Variants in IDUA observed in about 807,000 individuals in gnomAD.
The protein encoded by IDUA is iduronidase alpha-L-.
A neutral mutation model predicts 68.9 loss-of-function variants in IDUA; 65 were observed. The observed-to-expected ratio is 0.94, with a 90% CI of 0.77 to 1.16. IDUA has a LOEUF of 1.16. Ranked by LOEUF, IDUA falls within the 50% of genes most tolerant of loss-of-function variation. The pLI is 0.00. For missense variants in IDUA, 1,046 were observed against 938.0 expected, an observed-to-expected ratio of 1.12 and a Z score of -1.50; for synonymous variants, 529 against 433.6, an observed-to-expected ratio of 1.22 and a Z score of -2.73.
intron 2 of IDUA, chr4:991,935 C>G (rs911807735): frequency 2.1e-6 from 2 of 944,134 alleles, no homozygotes; most frequent in Non-Finnish European, 3.3e-6. Flanking sequence ...CAGAATCCAT[C>G]GTGAGGTGAG....
At position 1,002,806 on chromosome 4, in the gene IDUA, G is replaced by C. The variant is rs1392555572; in HGVS notation, c.1264G>C (p.Ala422Pro). The C allele has an allele frequency of 6.8e-7, 1 of 1,461,464 alleles. No homozygotes were observed. Among genetic ancestry groups the C allele is most frequent in the Admixed American group, 2.5e-5 (1 of 40,190 alleles). 90.5% of individuals were successfully genotyped at this position (1,461,464 alleles called of 1,614,324 possible). A position where few individuals can be genotyped will look rare whatever the true frequency, so the allele number is the denominator to read the frequency against. The change falls in exon 9 of 14, where the codon GCC (alanine) becomes CCC (proline). Residue 422 changes from alanine to proline, a missense_variant. Coordinates refer to ENST00000514224, the MANE Select transcript of IDUA (RefSeq NM_000203.5). ...LDSNHTVGVL[A>P]SAHRPQGPAD... is the part of the protein sequence containing the mutation. ...CAGCAACCACACGGTGGGCGTCCTG[G>C]CCAGCGCCCACCGCCCCCAGGGCCC...
intron 2 of IDUA, among the ~76,000 whole-genome samples, chr4:999,241 A>G (rs113591075): frequency 5.9e-5 from 9 of 151,304 alleles, no homozygotes; most frequent in Admixed American, 2.0e-4. Context: ...ATGCCCTGGC[A>G]CTGCTCAGCT....
At chr4:994,288 T>C (rs1237287298) in intron 2 of IDUA, among the ~76,000 whole-genome samples, 3 of 151,902 alleles carry the variant, frequency 2.0e-5, no homozygotes, top group Admixed American at 6.6e-5. Flanking sequence ...TTCTTTTTTT[T>C]TTTTTGAGGC....
chr4:988,895 C>G lies in IDUA; in HGVS notation c.299+946C>G. On this transcript the variant is annotated intron_variant, in intron 2 of 13. Transcript: ENST00000514224. ...CGGGCTCGTGCTGTCTGCACGGCATCGTGCACACTGAGGAACAGCTGCTCC... is the reference window on the plus strand; with the variant it reads ...CGGGCTCGTGCTGTCTGCACGGCATGGTGCACACTGAGGAACAGCTGCTCC... 1.2e-6 allele frequency: 2 copies of G among 1,604,168 alleles called. No individual in the cohort carries two copies. Among genetic ancestry groups the G allele is most frequent in the Non-Finnish European group, 1.7e-6 (2 of 1,176,278 alleles).
In IDUA at chr4:987,374, C is replaced by T. The variant is rs1043679558; in HGVS notation, c.158+132C>T. Reference sequence around the variant, plus strand: ...GGCCCTGGCTCTCCCGGGCCCGCCCCCCGCCGTGTTTGTGGGTGGGTCCTC... The same window carrying T: ...GGCCCTGGCTCTCCCGGGCCCGCCCTCCGCCGTGTTTGTGGGTGGGTCCTC... On this transcript the variant is annotated intron_variant, in intron 1 of 13. Transcript: ENST00000514224. 1.8e-5 allele frequency: 17 copies of T among 963,192 alleles called. No homozygotes were observed. In the African/African-American group the frequency reaches 2.8e-4, roughly 16 times the overall value. 59.7% of individuals were successfully genotyped at this position (963,192 alleles called of 1,614,324 possible).
intron 8 of IDUA, 108 bp downstream of exon 8, chr4:1,002,593 C>T (rs1715163323): frequency 2.5e-6 from 3 of 1,215,168 alleles, no homozygotes; most frequent in Non-Finnish European, 3.2e-6. Flanking sequence ...GCGCGCTTCC[C>T]GGGGTCGGCC....
chr4:998,782 G>GC (rs1553916665), intron 2 of IDUA, among the ~76,000 whole-genome samples: 13 of 77,190 alleles, frequency 1.7e-4, no homozygotes, highest in Admixed American at 2.6e-4. Flanking sequence ...ACGACCCCCC[G>GC]ACCCCCCACC....
chr4:1,003,952 C>T, intron 12 of IDUA, 60 bp from the exon 13 acceptor site: 3 of 1,397,758 alleles, frequency 2.1e-6, no homozygotes, highest in Non-Finnish European at 3.0e-6. Flanking sequence ...CGTGCCCTGC[C>T]TGCTCCCACC....
chr4:988,600 T>C, intron 2 of IDUA: 8 of 1,368,110 alleles, frequency 5.8e-6, no homozygotes, highest in Non-Finnish European at 7.5e-6. Flanking sequence ...GCCAGCACTG[T>C]GGGCCAGCCT....
chr4:995,760 T>C (rs11729777), intron 2 of IDUA, among the ~76,000 whole-genome samples: 14,949 of 152,206 alleles, frequency 0.098, 948 homozygotes, highest in South Asian at 0.22. Context: ...GGTACCTCCT[T>C]GTGGAAGCCG....
At chr4:994,345 G>C (rs1248007722) in intron 2 of IDUA, among the ~76,000 whole-genome samples, 5 of 151,224 alleles carry the variant, frequency 3.3e-5, no homozygotes, top group East Asian at 1.9e-4. Flanking sequence ...GTGTGATCTC[G>C]GCTCACTGGA....
chr4:999,111 A>G (rs541783251), intron 2 of IDUA, among the ~76,000 whole-genome samples: 1 of 152,034 alleles, frequency 6.6e-6, no homozygotes, highest in South Asian at 2.1e-4. Context: ...AGGCTGAGGC[A>G]GGAGAATGGT....
chr4:1,001,469 T>C lies in IDUA; in HGVS notation c.495T>C (p.Gly165=). 1.2e-6 allele frequency: 2 copies of C among 1,612,756 alleles called. No individual in the cohort carries two copies. The highest frequency in any genetic ancestry group is 1.7e-6 in the Non-Finnish European group (2 of 1,179,732). ...GGGGACAGCAAGGCTCCTCTGCAGG[T>C]AGGTACGGACTGGCGCATGTTTCCA... ...LVSSLARRYI[G]RYGLAHVSKW... Residue 165 remains glycine (G), a splice_region_variant and synonymous_variant, in exon 5 of 14, where the codon GGT becomes GGC. Transcript: ENST00000514224.
intron 2 of IDUA, among the ~76,000 whole-genome samples, chr4:998,199 T>C (rs1158966897): frequency 6.6e-6 from 1 of 151,936 alleles, no homozygotes; most frequent in African/African-American, 2.4e-5. Context: ...CAGCCCGGGG[T>C]ACAGGAGCAG....
rs2153021928 is a variant in IDUA, at chr4:1,001,580, G to A, written c.589+17G>A. On this transcript the variant is annotated intron_variant, in intron 5 of 13. Transcript: ENST00000514224. Reference sequence around the variant, plus strand: ...CCATGCAAGGTGTGCACCGCTTCCTGGGGTCCTGCCCGGCTGAAAGGGGGC... The same window carrying A: ...CCATGCAAGGTGTGCACCGCTTCCTAGGGTCCTGCCCGGCTGAAAGGGGGC... 1 of 1,612,436 alleles carries A rather than the reference G, an allele frequency of 6.2e-7. No homozygotes were observed. The highest frequency in any genetic ancestry group is 1.7e-5 in the Admixed American group (1 of 60,022).
Position 994,476 on chromosome 4 carries a change from T to C in IDUA, c.300-6136T>C, listed in dbSNP as rs370417602. ...TTTTTGAGACGGAGTTTCGCTCTGT[T>C]GCCCAGGCTGGAGTACAGTGGCATG... is the stretch of plus-strand genomic sequence containing the variant. On this transcript the variant is annotated intron_variant, in intron 2 of 13. Coordinates refer to ENST00000514224, the MANE Select transcript of IDUA (RefSeq NM_000203.5). Among the ~76,000 whole-genome samples, 113 of 148,094 alleles carry C rather than the reference T, an allele frequency of 7.6e-4. 1 individual carries two copies. In the East Asian group the frequency reaches 0.02, roughly 27 times the overall value.
At chr4:988,925 CA>C in intron 2 of IDUA, 5 of 1,602,286 alleles carry the variant, frequency 3.1e-6, no homozygotes, top group South Asian at 1.1e-5. Context: ...TGCTCCTCCT[CA>C]GCCGTGTCCC....
chr4:1,002,835 C>G lies in IDUA; in HGVS notation c.1293C>G (p.Ala431=), dbSNP rs559676638. 4 of 1,453,962 alleles carry G rather than the reference C, an allele frequency of 2.8e-6. No homozygotes were observed. Among genetic ancestry groups the G allele is most frequent in the South Asian group, 1.3e-5 (1 of 74,486 alleles). The allele number at this position is 1,453,962 out of a possible 1,614,324, so 90.1% of individuals were successfully genotyped here. ...LASAHRPQGP[A]DAWRAAVLIY... is the part of the protein sequence containing the mutation. ...GCGCCCACCGCCCCCAGGGCCCGGC[C>G]GACGCCTGGCGCGCCGCGGTGCTGA... is the stretch of plus-strand genomic sequence containing the variant. The change falls in exon 9 of 14, where the codon GCC becomes GCG. Residue 431 remains alanine, a synonymous_variant. Coordinates refer to ENST00000514224, the MANE Select transcript of IDUA (RefSeq NM_000203.5).
intron 1 of IDUA, 140 bp from the exon 2 acceptor site, chr4:987,669 A>G (rs1400291604): frequency 6.7e-7 from 1 of 1,486,194 alleles, no homozygotes; most frequent in East Asian, 2.5e-5. Context: ...CCTGGCCCTA[A>G]GGGTCATTTT....
Sources: gnomAD v4.1 joint callset for allele counts (sites outside exome capture counted in the v4.1 genomes callset) on GRCh38, gnomAD v4.1.1 for gene constraint, MANE v1.5 for transcripts, NCBI Gene and HGNC (gene_info 2026-07-23, HGNC 2026-07-21) for gene names.